CSMD1: variants seen among roughly 807,000 people sequenced by gnomAD.
The protein encoded by CSMD1 is CUB and sushi domain-containing protein 1.
A neutral mutation model predicts 417.5 loss-of-function variants in CSMD1; 213 were observed. The observed-to-expected ratio is 0.51, with a 90% CI of 0.46 to 0.57. The LOEUF is 0.57. CSMD1 is among the 20% of genes least tolerant of loss of function. The pLI is 0.00. For synonymous variants in CSMD1, 2,862 were observed against 1,736.8 expected, an observed-to-expected ratio of 1.65 and a Z score of -16.11; for missense variants, 6,923 against 4,529.7, an observed-to-expected ratio of 1.53 and a Z score of -15.17.
At chr8:3,457,591 T>G (rs962395546) in intron 12 of CSMD1, among the ~76,000 whole-genome samples, 3 of 152,206 alleles carry the variant, frequency 2.0e-5, no homozygotes, top group African/African-American at 7.2e-5. Context: ...AGGATGAATT[T>G]CAAGAATAGA....
chr8:4,004,891 C>G (rs75777082), intron 4 of CSMD1, among the ~76,000 whole-genome samples: 1 of 151,784 alleles, frequency 6.6e-6, no homozygotes, highest in Non-Finnish European at 1.5e-5. Flanking sequence ...ACTACAGGCG[C>G]CCGCCACCAT....
At chr8:3,515,949 G>T (rs904886710) in intron 10 of CSMD1, among the ~76,000 whole-genome samples, 1 of 152,180 alleles carries the variant, frequency 6.6e-6, no homozygotes, top group African/African-American at 2.4e-5. Context: ...GTGTTTGAGT[G>T]ACGTACCAAA....
At chr8:3,360,580 A>G (rs773499018) in intron 20 of CSMD1, among the ~76,000 whole-genome samples, 16 of 152,210 alleles carry the variant, frequency 1.1e-4, no homozygotes, top group Admixed American at 9.8e-4. Context: ...TAGGTATTGG[A>G]ATGGTAAGAA....
chr8:3,447,643 G>A (rs1345669333), intron 12 of CSMD1, among the ~76,000 whole-genome samples: 1 of 152,148 alleles, frequency 6.6e-6, no homozygotes, highest in African/African-American at 2.4e-5. Context: ...AGCAGTGTGT[G>A]CATTCTTTGC....
At chr8:3,687,802 T>G (rs867944062) in intron 7 of CSMD1, among the ~76,000 whole-genome samples, 32 of 152,208 alleles carry the variant, frequency 2.1e-4, no homozygotes, top group African/African-American at 7.5e-4. Flanking sequence ...TTGCTCCACT[T>G]AAGTCTCTCT....
chr8:4,552,694 C>T (rs1742151806), intron 2 of CSMD1, among the ~76,000 whole-genome samples: 1 of 152,098 alleles, frequency 6.6e-6, no homozygotes, highest in Admixed American at 6.5e-5. Context: ...GGGTCTATTA[C>T]CCCATCACAA....
At chr8:4,225,007 G>A (rs923423777) in intron 3 of CSMD1, among the ~76,000 whole-genome samples, 2 of 152,194 alleles carry the variant, frequency 1.3e-5, no homozygotes, top group African/African-American at 4.8e-5. Flanking sequence ...AGCTATTGGG[G>A]AGGCTGAGGC....
intron 3 of CSMD1, among the ~76,000 whole-genome samples, chr8:4,405,802 A>G (rs1241661969): frequency 6.6e-6 from 1 of 152,188 alleles, no homozygotes; most frequent in Non-Finnish European, 1.5e-5. Flanking sequence ...TTTTAGACAC[A>G]TGCCCTGGGC....
intron 5 of CSMD1, among the ~76,000 whole-genome samples, chr8:3,923,346 A>G (rs1426237812): frequency 1.3e-5 from 2 of 152,072 alleles, no homozygotes; most frequent in African/African-American, 2.4e-5. Context: ...CCACATACGT[A>G]TATTTTTTTC....
intron 1 of CSMD1, among the ~76,000 whole-genome samples, chr8:4,746,549 G>A (rs1195118671): frequency 6.6e-6 from 1 of 152,186 alleles, no homozygotes; most frequent in Non-Finnish European, 1.5e-5. Flanking sequence ...TGAAGACGAA[G>A]GGCTTGCCCA....
rs1585507927 is a variant in CSMD1, at chr8:3,157,821, T to C, written c.5914+76A>G. On this transcript the variant is annotated intron_variant, in intron 39 of 69. Transcript: ENST00000635120. ...ATTAAGAAATTTAGAAGTGCATTCT[T>C]TGACCCCAAGAGTAGAGCAGGCATG... 5.0e-6 allele frequency: 6 copies of C among 1,205,864 alleles called. No homozygotes were observed. In the African/African-American group the frequency reaches 6.1e-5, roughly 12 times the overall value. The allele number at this position is 1,205,864 out of a possible 1,614,324, so 74.7% of individuals were successfully genotyped here.
At chr8:4,876,920 C>T (rs1256485511) in intron 1 of CSMD1, among the ~76,000 whole-genome samples, 2 of 151,940 alleles carry the variant, frequency 1.3e-5, no homozygotes, top group South Asian at 2.1e-4. Context: ...TTAGCTTTCT[C>T]CTAATCCATG....
intron 3 of CSMD1, among the ~76,000 whole-genome samples, chr8:4,066,240 T>A: frequency 6.6e-6 from 1 of 152,226 alleles, no homozygotes; most frequent in Non-Finnish European, 1.5e-5. Context: ...TCCTTCTTTG[T>A]CTCCTGTTCC....
intron 3 of CSMD1, among the ~76,000 whole-genome samples, chr8:4,366,019 C>G (rs966117473): frequency 6.6e-6 from 1 of 152,196 alleles, no homozygotes; most frequent in East Asian, 1.9e-4. Context: ...AGGAATGAGC[C>G]TGTCGCCCAG....
intron 5 of CSMD1, among the ~76,000 whole-genome samples, chr8:3,807,492 C>G (rs1017856573): frequency 6.6e-6 from 1 of 152,120 alleles, no homozygotes; most frequent in Non-Finnish European, 1.5e-5. Context: ...ATCTTTGAAA[C>G]ATGAATGCAG....
intron 5 of CSMD1, among the ~76,000 whole-genome samples, chr8:3,922,803 T>G (rs1043806106): frequency 7.9e-5 from 12 of 152,198 alleles, no homozygotes; most frequent in African/African-American, 2.7e-4. Flanking sequence ...ACTTTTTAAT[T>G]GATGAATATA....
intron 2 of CSMD1, among the ~76,000 whole-genome samples, chr8:4,451,595 A>G (rs1799148019): frequency 6.6e-6 from 1 of 152,122 alleles, no homozygotes; most frequent in Admixed American, 6.5e-5. Flanking sequence ...TAAAAAGAAG[A>G]CCATTTTAGA....
chr8:4,140,679 A>G (rs570744640), intron 3 of CSMD1, among the ~76,000 whole-genome samples: 3 of 150,838 alleles, frequency 2.0e-5, no homozygotes, highest in East Asian at 1.9e-4. Flanking sequence ...ATTAAAAATA[A>G]TAATAATAGA....
At chr8:4,841,930 A>AAAAAAAAAAAAAACAAAAC (rs1192383183) in intron 1 of CSMD1, among the ~76,000 whole-genome samples, 5 of 122,484 alleles carry the variant, frequency 4.1e-5, no homozygotes, top group African/African-American at 1.3e-4. Flanking sequence ...AAAAAAAAAA[A>AAAAAAAAAAAAAACAAAAC]AAAAAAAAGT....
Sources: gnomAD v4.1 joint callset for allele counts (sites outside exome capture counted in the v4.1 genomes callset) on GRCh38, gnomAD v4.1.1 for gene constraint, MANE v1.5 for transcripts, NCBI Gene and HGNC (gene_info 2026-07-23, HGNC 2026-07-21) for gene names.